Variants in TSNAX observed in about 807,000 individuals in gnomAD.
The protein encoded by TSNAX is translin-associated protein X.
In TSNAX, 12 loss-of-function variants were observed where a neutral mutation model predicts 33.0. That is an observed-to-expected ratio of 0.36 (90% CI 0.23 to 0.59). The LOEUF is 0.59. TSNAX is among the 20% of genes least tolerant of loss of function. TSNAX has a pLI of 0.74. For missense variants in TSNAX, 267 were observed against 341.3 expected, an observed-to-expected ratio of 0.78 and a Z score of 1.72; for synonymous variants, 110 against 117.2, an observed-to-expected ratio of 0.94 and a Z score of 0.40.
chr1:231,537,457 TC>T, intron 3 of TSNAX, 130 bp downstream of exon 3: 1 of 587,178 alleles, frequency 1.7e-6, no homozygotes, highest in Admixed American at 3.7e-5. Flanking sequence ...AAAATAGGTC[TC>T]AGCTGGGTGT....
intron 4 of TSNAX, among the ~76,000 whole-genome samples, chr1:231,560,411 C>T (rs1400320755): frequency 2.2e-5 from 2 of 91,878 alleles, no homozygotes; most frequent in South Asian, 4.9e-4. Flanking sequence ...TTTTCTCCCC[C>T]CCCCCCCTTT....
rs144584692 is a variant in TSNAX at position 231,529,288 on chromosome 1, A to G, written c.50A>G (p.Asn17Ser). 3.6e-3 allele frequency: 5,857 copies of G among 1,614,138 alleles called. 16 individuals carry two copies. The highest frequency in any genetic ancestry group is 3.8e-3 in the Non-Finnish European group (4,442 of 1,180,004). ...GGGTTCAGGAAAAGGAAGCATGACA[A>G]TTTCCCACATAACCAAAGAAGAGAA... The part of the protein sequence containing the change: ...SGGFRKRKHD[N>S]FPHNQRREGK... Residue 17 changes from asparagine to serine, a missense_variant, in exon 2 of 6, where the codon AAT becomes AGT. Physicochemically the swap from Asn to Ser is conservative, Grantham distance 46. This residue lies in a region of TSNAX where 200 missense variants were observed against 214.1 expected (regional missense o/e 0.93). Coordinates refer to ENST00000366639, the MANE Select transcript of TSNAX (RefSeq NM_005999.3).
Position 231,560,417 on chromosome 1 carries a change from C to G in TSNAX, c.368-711C>G, listed in dbSNP as rs12047784. 5.5e-5 allele frequency among the ~76,000 whole-genome samples: 5 copies of G among 90,196 alleles called. 1 individual carries two copies. The highest frequency in any genetic ancestry group is 8.6e-5 in the African/African-American group (2 of 23,130). 59.2% of individuals were successfully genotyped at this position (90,196 alleles called of 152,430 possible). ...AGGCTTTTCTTTTCTCCCCCCCCCC[C>G]CTTTTTTTTTTTTTGAGACGAAGTC... On this transcript the variant is annotated intron_variant, in intron 4 of 5. Coordinates refer to ENST00000366639, the MANE Select transcript of TSNAX (RefSeq NM_005999.3).
At chr1:231,548,937 T>G (rs1161729573) in intron 4 of TSNAX, among the ~76,000 whole-genome samples, 1 of 152,180 alleles carries the variant, frequency 6.6e-6, no homozygotes, top group Non-Finnish European at 1.5e-5. Flanking sequence ...GCGAATAATA[T>G]CCCTGAATAA....
At chr1:231,559,608 G>T (rs1340346385) in intron 4 of TSNAX, among the ~76,000 whole-genome samples, 1 of 152,226 alleles carries the variant, frequency 6.6e-6, no homozygotes, top group Non-Finnish European at 1.5e-5. Context: ...GATTACAGGT[G>T]TGAGCCACCG....
intron 4 of TSNAX, 56 bp from the exon 5 acceptor site, chr1:231,561,072 G>C: frequency 6.5e-7 from 1 of 1,549,200 alleles, no homozygotes; most frequent in Non-Finnish European, 8.7e-7. Flanking sequence ...TTTTTATTAT[G>C]ACATTCTTAC....
intron 4 of TSNAX, among the ~76,000 whole-genome samples, chr1:231,552,664 G>A (rs1042694933): frequency 1.3e-5 from 2 of 152,168 alleles, no homozygotes; most frequent in African/African-American, 4.8e-5. Context: ...ACAAGGTTAT[G>A]TACTTATCAC....
intron 2 of TSNAX, among the ~76,000 whole-genome samples, chr1:231,530,342 T>G (rs1185913766): frequency 6.6e-6 from 1 of 152,208 alleles, no homozygotes; most frequent in Non-Finnish European, 1.5e-5. Context: ...GTATCTACTG[T>G]GATCGTCAGA....
intron 2 of TSNAX, among the ~76,000 whole-genome samples, chr1:231,532,538 C>T (rs992164460): frequency 4.6e-5 from 7 of 151,476 alleles, no homozygotes; most frequent in African/African-American, 1.7e-4. Flanking sequence ...GGTGGAAAAG[C>T]AGGAAGACAA....
At position 231,551,307 on chromosome 1, in the gene TSNAX, G is replaced by T. The variant is rs141491647; in HGVS notation, c.367+8696G>T. 9.3e-3 allele frequency among the ~76,000 whole-genome samples: 1,417 copies of T among 152,252 alleles called. 28 individuals are homozygous for T. The highest frequency in any genetic ancestry group is 0.032 in the African/African-American group (1,318 of 41,542). On this transcript the variant is annotated intron_variant, in intron 4 of 5. Coordinates refer to ENST00000366639, the MANE Select transcript of TSNAX (RefSeq NM_005999.3). Reference sequence around the variant, plus strand: ...GTGAGGTCTCCTTGTAAGAGGTAAGGCTTGCTCAGTGAGGTGAAGTAGAAA... The same window carrying T: ...GTGAGGTCTCCTTGTAAGAGGTAAGTCTTGCTCAGTGAGGTGAAGTAGAAA...
At chr1:231,537,991 A>T (rs986690193) in intron 3 of TSNAX, among the ~76,000 whole-genome samples, 13 of 152,324 alleles carry the variant, frequency 8.5e-5, no homozygotes, top group African/African-American at 3.1e-4. Context: ...TTTTGAACTC[A>T]TGGCAGTCTG....
At chr1:231,555,058 G>A (rs1018285040) in intron 4 of TSNAX, among the ~76,000 whole-genome samples, 3 of 152,080 alleles carry the variant, frequency 2.0e-5, no homozygotes, top group Non-Finnish European at 4.4e-5. Context: ...AGGGCTTCTG[G>A]GTGATACCCC....
chr1:231,537,879 G>T (rs977580514), intron 3 of TSNAX, among the ~76,000 whole-genome samples: 1 of 151,972 alleles, frequency 6.6e-6, no homozygotes, highest in Non-Finnish European at 1.5e-5. Flanking sequence ...GATATATTTT[G>T]ATTGTTAGAG....
At chr1:231,558,716 A>T (rs559129269) in intron 4 of TSNAX, among the ~76,000 whole-genome samples, 34 of 152,264 alleles carry the variant, frequency 2.2e-4, no homozygotes, top group Non-Finnish European at 1.2e-4. Context: ...TTGGGGGGGA[A>T]CTGGGCGGTG....
chr1:231,547,394 T>C (rs954193147), intron 4 of TSNAX, among the ~76,000 whole-genome samples: 5 of 140,346 alleles, frequency 3.6e-5, no homozygotes, highest in Admixed American at 7.0e-5. Context: ...TTTTTCTTTT[T>C]TTTTTTTTTT....
intron 2 of TSNAX, among the ~76,000 whole-genome samples, chr1:231,530,537 C>T (rs1300832941): frequency 6.6e-6 from 1 of 151,948 alleles, no homozygotes; most frequent in Non-Finnish European, 1.5e-5. Flanking sequence ...TAATAAAGTA[C>T]ACGGTGAAAC....
intron 1 of TSNAX, 136 bp from the exon 2 acceptor site, chr1:231,529,119 C>T (rs1328767127): frequency 3.5e-6 from 3 of 857,788 alleles, no homozygotes; most frequent in Admixed American, 2.8e-5. Context: ...GCGTCTCTGT[C>T]AGTCTGCGGA....
At chr1:231,559,345 T>C (rs1257493387) in intron 4 of TSNAX, among the ~76,000 whole-genome samples, 2 of 152,224 alleles carry the variant, frequency 1.3e-5, no homozygotes, top group African/African-American at 2.4e-5. Flanking sequence ...GTTGTTGTTT[T>C]TGAGATGGAA....
At chr1:231,539,030 C>T (rs1373024856) in intron 3 of TSNAX, among the ~76,000 whole-genome samples, 2 of 151,520 alleles carry the variant, frequency 1.3e-5, no homozygotes, top group Non-Finnish European at 2.9e-5. Flanking sequence ...TAAATGGAAT[C>T]TAATTTGCCA....
Sources: allele counts gnomAD v4.1 joint callset (sites outside exome capture counted in the v4.1 genomes callset), GRCh38; gene constraint gnomAD v4.1.1; regional missense constraint gnomAD v4.1.1; transcripts MANE v1.5; gene names NCBI Gene and HGNC (gene_info 2026-07-23, HGNC 2026-07-21).